Variants in PSG5 observed in about 807,000 individuals in gnomAD.
The protein encoded by PSG5 is pregnancy-specific beta-1-glycoprotein 5.
Under a neutral mutation model 37.7 loss-of-function variants are expected in PSG5, and 53 were observed. That is an observed-to-expected ratio of 1.41 (90% confidence interval 1.13 to 1.77). PSG5 has a LOEUF of 1.77. PSG5 is among the 40% of genes most tolerant of loss of function. PSG5 has a pLI of 0.00. For missense variants in PSG5, 547 were observed against 405.2 expected (o/e 1.35, Z -3.00); for synonymous variants, 221 against 155.4 (o/e 1.42, Z -3.14).
Position 43,175,929 on chromosome 19 carries a change from C to T in PSG5, c.650G>A (p.Cys217Tyr), listed in dbSNP as rs767950630. The T allele has an allele frequency of 1.9e-6, 3 of 1,612,458 alleles. No homozygotes were observed. Among genetic ancestry groups the T allele is most frequent in the East Asian group, 2.2e-5 (1 of 44,862 alleles). ...GCCACCATCTCGGTCCCGTATTTCA[C>T]ATTCATAGGGTCCTGTTTCATTTCT... ...VTRNETGPYE[C>Y]EIRDRDGGMR... The change falls in exon 3 of 6, where the codon TGT becomes TAT. Residue 217 changes from cysteine to tyrosine, a missense_variant. By Grantham distance (194) the Cys-to-Tyr change is radical. Transcript: ENST00000342951.
rs1473455814 is a variant in PSG5, at chr19:43,171,646, A to C, written c.965-1508T>G. 5.1e-6 allele frequency: 4 copies of C among 791,840 alleles called. No homozygotes were observed. In the Admixed American group the frequency reaches 1.3e-4, roughly 26 times the overall value. 49.1% of individuals were successfully genotyped at this position (791,840 alleles called of 1,614,324 possible). ...ATTAACTAGATTGACTAAGAAAAAA[A>C]GAGAAAAGTTTAAAATTACTCAAAT... On this transcript the variant is annotated intron_variant, in intron 4 of 5. Transcript: ENST00000342951.
chr19:43,169,584 A>T (rs1035468447), intron 5 of PSG5, among the ~76,000 whole-genome samples: 2 of 151,646 alleles, frequency 1.3e-5, no homozygotes, highest in African/African-American at 4.9e-5. Flanking sequence ...AAGAAATGTG[A>T]ACTTATCAAA....
intron 5 of PSG5, among the ~76,000 whole-genome samples, chr19:43,169,603 A>C (rs569652761): frequency 6.6e-6 from 1 of 151,644 alleles, no homozygotes; most frequent in Non-Finnish European, 1.5e-5. Flanking sequence ...AATAGGCTAG[A>C]GTAGACCCCT....
chr19:43,171,983 C>CAAAAAAAAAAAAAAAAAAAA (rs60198220), intron 4 of PSG5, among the ~76,000 whole-genome samples: 1 of 105,132 alleles, frequency 9.5e-6, no homozygotes, highest in African/African-American at 3.6e-5. Flanking sequence ...TCCCTCTCTT[C>CAAAAAAAAAAAAAAAAAAAA]AAAAAAAAAA....
At chr19:43,175,519 A>G in intron 3 of PSG5, 50 bp from the exon 4 acceptor site, 1 of 1,566,126 alleles carries the variant, frequency 6.4e-7, no homozygotes, top group Non-Finnish European at 8.6e-7. Context: ...AGGGAAGGGG[A>G]TGCTCCTGGT....
At chr19:43,175,756 T>A in intron 3 of PSG5, 114 bp downstream of exon 3, 1 of 1,545,562 alleles carries the variant, frequency 6.5e-7, no homozygotes, top group South Asian at 1.3e-5. Context: ...CCAGCTCAGA[T>A]GTCCAGAAAT....
In PSG5 at chr19:43,173,173, G is replaced by A. The variant is rs8105068; in HGVS notation, c.964+2042C>T. Among the ~76,000 whole-genome samples the A allele has an allele frequency of 4.1e-3, 623 of 151,730 alleles. 17 individuals are homozygous for A. The highest frequency in any genetic ancestry group is 0.014 in the African/African-American group (596 of 41,298). On this transcript the variant is annotated intron_variant, in intron 4 of 5. Coordinates refer to ENST00000342951, the MANE Select transcript of PSG5 (RefSeq NM_002781.4). The stretch of plus-strand genomic sequence containing the variant: ...TATTGGGAAAGCTGGATATCCAAGG[G>A]CAAGAGAGTGGAACCTTTACCTAAC...
In PSG5 at chr19:43,169,745, G is replaced by A. The variant is rs181436787; in HGVS notation, c.*40+310C>T. On this transcript the variant is annotated intron_variant, in intron 5 of 5. Coordinates refer to ENST00000342951, the MANE Select transcript of PSG5 (RefSeq NM_002781.4). ...AGAAGTGGTTGAGCTTTATGGGAGT[G>A]TAGAGAATTACACTATTGAGAGATG... Among the ~76,000 whole-genome samples the A allele has an allele frequency of 1.4e-3, 217 of 151,790 alleles. 4 individuals carry two copies. The highest frequency in any genetic ancestry group is 2.3e-3 in the East Asian group (12 of 5,188).
At position 43,185,076 on chromosome 19, in the gene PSG5, A is replaced by T. The variant is rs375175384; in HGVS notation, c.136T>A (p.Ser46Thr). ...VTIEALPPKV[S>T]EGKDVLLLVH... ...AGTAGAAGAACATCCTTCCCCTCGG[A>T]AACTTTGGGTGGCAGGGCTTCAATC... Residue 46 changes from serine (S) to threonine (T), a missense_variant, in exon 2 of 6, where the codon TCC (serine) becomes ACC (threonine). Physicochemically the swap from Ser to Thr is moderately conservative, Grantham distance 58. Coordinates refer to ENST00000342951, the MANE Select transcript of PSG5 (RefSeq NM_002781.4). The T allele has an allele frequency of 5.3e-4, 855 of 1,612,328 alleles. 20 individuals carry two copies. In the South Asian group the frequency reaches 8.2e-3, roughly 15 times the overall value.
At chr19:43,172,587 A>T (rs553039735) in intron 4 of PSG5, among the ~76,000 whole-genome samples, 1 of 151,896 alleles carries the variant, frequency 6.6e-6, no homozygotes, top group Middle Eastern at 3.4e-3. Flanking sequence ...TACACTAAAC[A>T]TGAACAATCT....
chr19:43,168,490 T>C (rs1968834623), intron 5 of PSG5, among the ~76,000 whole-genome samples: 2 of 151,484 alleles, frequency 1.3e-5, no homozygotes, highest in African/African-American at 4.9e-5. Context: ...TGCCTCAGCC[T>C]CCTGAGTAAC....
At chr19:43,174,421 C>G (rs1256073913) in intron 4 of PSG5, 2 of 838,706 alleles carry the variant, frequency 2.4e-6, no homozygotes, top group African/African-American at 1.9e-5. Context: ...CCTTTCCTGC[C>G]ATGCAGAGCC....
chr19:43,179,924 T>A (rs1020656582), intron 2 of PSG5, among the ~76,000 whole-genome samples: 1 of 151,740 alleles, frequency 6.6e-6, no homozygotes, highest in African/African-American at 2.4e-5. Flanking sequence ...AGAGGGCAGG[T>A]GAGGACCATG....
rs190860383 is a variant in PSG5 at position 43,167,761 on chromosome 19, T to C, written c.*483A>G. The C allele has an allele frequency of 2.4e-4, 44 of 180,682 alleles. No homozygotes were observed. The East Asian group carries it at 5.6e-3, about 23-fold the overall frequency. The allele number at this position is 180,682 out of a possible 1,614,324, so 11.2% of individuals were successfully genotyped here. A position where few individuals can be genotyped will look rare whatever the true frequency, so the allele number is the denominator to read the frequency against. ...TCCTTACTGAACTTGTGCAGATAAC[T>C]TTATTACCATAAACATATGAATACT... On this transcript the variant is annotated 3_prime_UTR_variant, in exon 6 of 6. Coordinates refer to ENST00000342951, the MANE Select transcript of PSG5 (RefSeq NM_002781.4).
At chr19:43,170,975 GTTACC>G (rs897024886) in intron 4 of PSG5, 4 of 150,270 alleles carry the variant, frequency 2.7e-5, no homozygotes, top group African/African-American at 9.9e-5. Context: ...TGTTTTATGT[GTTACC>G]TCTTTTTCCA....
chr19:43,177,247 G>A (rs559602219), intron 2 of PSG5, among the ~76,000 whole-genome samples: 2 of 151,520 alleles, frequency 1.3e-5, no homozygotes, highest in African/African-American at 4.9e-5. Context: ...GTTATGCAAG[G>A]TGGGGAGGTT....
intron 4 of PSG5, chr19:43,171,002 AAAGGT>A (rs1276660075): frequency 1.4e-5 from 2 of 145,592 alleles, no homozygotes; most frequent in Non-Finnish European, 3.0e-5. Context: ...ATATATGGAA[AAAGGT>A]AGGTACTGTT....
chr19:43,175,389 C>A lies in PSG5; in HGVS notation c.790G>T (p.Glu264Ter), dbSNP rs866091253. The change falls in exon 4 of 6, where the codon GAA (glutamate) becomes TAA (stop). Residue 264 changes from glutamate to a stop codon, truncating the protein, a stop_gained. Coordinates refer to ENST00000342951, the MANE Select transcript of PSG5 (RefSeq NM_002781.4). LOFTEE classifies it high-confidence loss of function. ...GENLYLSCFA[E>*]SNPPAEYFWT... ...AAATACTCTGCCGGTGGGTTAGATT[C>A]CGCGAAGCAGGACAAGTAGAGGTTT... The A allele has an allele frequency of 6.2e-7, 1 of 1,612,840 alleles. No homozygotes were observed. Among genetic ancestry groups the A allele is most frequent in the Non-Finnish European group, 8.5e-7 (1 of 1,179,270 alleles).
At chr19:43,177,102 T>G (rs189456372) in intron 2 of PSG5, among the ~76,000 whole-genome samples, 1 of 151,630 alleles carries the variant, frequency 6.6e-6, no homozygotes, top group East Asian at 1.9e-4. Flanking sequence ...GACATTCTAC[T>G]CTCTGATTCC....
Sources: allele counts gnomAD v4.1 joint callset (sites outside exome capture counted in the v4.1 genomes callset), GRCh38; gene constraint gnomAD v4.1.1; transcripts MANE v1.5; gene names NCBI Gene and HGNC (gene_info 2026-07-23, HGNC 2026-07-21).